Variants in U2AF2 observed in about 807,000 individuals in gnomAD.
U2AF2 encodes splicing factor U2AF 65 kDa subunit.
In U2AF2, 6 loss-of-function variants were observed where a neutral mutation model predicts 52.6. That is an observed-to-expected ratio of 0.11 (90% CI 0.06 to 0.23). U2AF2 has a LOEUF of 0.23. U2AF2 is among the 10% of genes least tolerant of loss of function. U2AF2 has a pLI of 1.00. For missense variants in U2AF2, 222 were observed against 677.1 expected, an observed-to-expected ratio of 0.33 and a Z score of 7.46; for synonymous variants, 284 against 258.2, an observed-to-expected ratio of 1.10 and a Z score of -0.96.
At chr19:55,664,832 T>C (rs1480825161) in intron 7 of U2AF2, among the ~76,000 whole-genome samples, 1 of 152,082 alleles carries the variant, frequency 6.6e-6, no homozygotes, top group Non-Finnish European at 1.5e-5. Context: ...ATTCTCCTGC[T>C]TCAGCCTCCC....
chr19:55,660,726 A>G, intron 4 of U2AF2, 107 bp downstream of exon 4: 1 of 1,132,982 alleles, frequency 8.8e-7, no homozygotes, highest in Non-Finnish European at 1.3e-6. Context: ...AGACACAGGT[A>G]GAGGGTTGCA....
rs1034330927 is a variant in U2AF2 at position 55,661,024 on chromosome 19, T to A, written c.335-14T>A. 3.4e-5 allele frequency: 53 copies of A among 1,569,374 alleles called. No homozygotes were observed. The highest frequency in any genetic ancestry group is 4.4e-5 in the Non-Finnish European group (51 of 1,148,630). On this transcript the variant is annotated splice_polypyrimidine_tract_variant and intron_variant, in intron 4 of 11. Transcript: ENST00000308924. ...CCCTGATGGGGTTTTATCCGGCTTT[T>A]ATTCCCTTTGAAGCTGCGGGTCAGA...
chr19:55,670,251 C>T (rs372529374), intron 11 of U2AF2, among the ~76,000 whole-genome samples: 12 of 152,178 alleles, frequency 7.9e-5, no homozygotes, highest in African/African-American at 2.9e-4. Context: ...TCTGCTAAGT[C>T]CTGTCACCTC....
At chr19:55,662,663 G>A (rs764450100) in intron 6 of U2AF2, 45 bp downstream of exon 6, 2 of 1,546,556 alleles carry the variant, frequency 1.3e-6, no homozygotes, top group Non-Finnish European at 1.8e-6. Context: ...TGTGTGATGT[G>A]AGGGCCCAGC....
chr19:55,658,080 G>A lies in U2AF2; in HGVS notation c.50-1130G>A, dbSNP rs541660909. On this transcript the variant is annotated intron_variant, in intron 1 of 11. Transcript: ENST00000308924. ...GACATTCACATTGCATCGCAAAAAC[G>A]TGAGACAAAACACTGTGGGTGAGGC... 1.5e-3 allele frequency among the ~76,000 whole-genome samples: 225 copies of A among 152,230 alleles called. 1 individual carries two copies. Among genetic ancestry groups the A allele is most frequent in the African/African-American group, 4.9e-3 (204 of 41,522 alleles).
chr19:55,667,974 G>A (rs145872707), intron 7 of U2AF2, among the ~76,000 whole-genome samples: 14 of 152,176 alleles, frequency 9.2e-5, no homozygotes, highest in African/African-American at 2.9e-4. Context: ...TTAGAGAGAC[G>A]GGGTTTCACC....
At chr19:55,670,359 T>C (rs1984817926) in intron 11 of U2AF2, among the ~76,000 whole-genome samples, 1 of 149,902 alleles carries the variant, frequency 6.7e-6, no homozygotes, top group South Asian at 2.1e-4. Flanking sequence ...GCTGGGTGTA[T>C]GTATGGAATT....
intron 1 of U2AF2, among the ~76,000 whole-genome samples, chr19:55,657,200 T>G (rs969618076): frequency 2.6e-5 from 4 of 152,228 alleles, no homozygotes; most frequent in East Asian, 1.9e-4. Flanking sequence ...CCCTGAGACC[T>G]GGCACGGCTC....
rs543477060 is a variant in U2AF2, at chr19:55,674,289, C to T, written c.*221C>T. Reference sequence around the variant, plus strand: ...ACTGGGGAAGTGCGCACACAGCCCACACAGACAACACGCACCCACACAGAC... The same window carrying T: ...ACTGGGGAAGTGCGCACACAGCCCATACAGACAACACGCACCCACACAGAC... On this transcript the variant is annotated 3_prime_UTR_variant, in exon 12 of 12. Transcript: ENST00000308924. The T allele has an allele frequency of 4.3e-4, 231 of 531,558 alleles. No individual in the cohort carries two copies. Among genetic ancestry groups the T allele is most frequent in the African/African-American group, 4.1e-3 (213 of 52,082 alleles). The allele number at this position is 531,558 out of a possible 1,614,324, so 32.9% of individuals were successfully genotyped here. A position where few individuals can be genotyped will look rare whatever the true frequency, so the allele number is the denominator to read the frequency against.
chr19:55,665,062 T>C (rs1018646304), intron 7 of U2AF2, among the ~76,000 whole-genome samples: 1 of 152,224 alleles, frequency 6.6e-6, no homozygotes, highest in African/African-American at 2.4e-5. Flanking sequence ...GCTAACCTTT[T>C]GGAGCCTGTA....
chr19:55,660,358 C>G (rs764046573), intron 3 of U2AF2, 137 bp downstream of exon 3: 38 of 1,142,100 alleles, frequency 3.3e-5, no homozygotes, highest in Middle Eastern at 2.1e-4. Context: ...ACCAGCACCC[C>G]TTTCCCAGGC....
At position 55,668,616 on chromosome 19, in the gene U2AF2, C is replaced by A. The variant is rs778410885; in HGVS notation, c.822+30C>A. ...CTTCCCTGCCTCCCTCCAGACCCGT[C>A]CCCCCACCCCGCCCCACCTCATCCC... is the stretch of plus-strand genomic sequence containing the variant. On this transcript the variant is annotated intron_variant, in intron 8 of 11. Coordinates refer to ENST00000308924, the MANE Select transcript of U2AF2 (RefSeq NM_007279.3). This position sits in a 1 kb window ranked among gnomAD's most constrained non-coding sequence, Gnocchi z 5.5. The A allele has an allele frequency of 1.6e-6, 2 of 1,265,496 alleles. No individual in the cohort carries two copies. Among genetic ancestry groups the A allele is most frequent in the Admixed American group, 1.7e-5 (1 of 57,454 alleles). 78.4% of individuals were successfully genotyped at this position (1,265,496 alleles called of 1,614,324 possible).
chr19:55,656,227 C>G (rs1329468449), intron 1 of U2AF2, among the ~76,000 whole-genome samples: 3 of 152,206 alleles, frequency 2.0e-5, no homozygotes, highest in Non-Finnish European at 4.4e-5. Flanking sequence ...AGATTGGAGA[C>G]TTGTTTCTTT....
chr19:55,667,489 C>T (rs779583919), intron 7 of U2AF2, among the ~76,000 whole-genome samples: 7 of 152,152 alleles, frequency 4.6e-5, no homozygotes, highest in Non-Finnish European at 7.4e-5. Context: ...ATCATCCCAC[C>T]AGCAGGCACT....
intron 7 of U2AF2, chr19:55,664,090 G>A (rs1464669946): frequency 3.3e-5 from 8 of 240,936 alleles, no homozygotes; most frequent in East Asian, 2.0e-4. Context: ...TGTGCCCGTC[G>A]GGGCTGCTGT....
At chr19:55,660,335 C>A in intron 3 of U2AF2, 114 bp downstream of exon 3, 1 of 1,295,940 alleles carries the variant, frequency 7.7e-7, no homozygotes, top group Non-Finnish European at 1.1e-6. Flanking sequence ...GGGAAGAGTC[C>A]ACTTACCTTG....
rs775808870 is a variant in U2AF2 at position 55,669,575 on chromosome 19, C to T, written c.1176C>T (p.Asp392=). 66 of 1,613,770 alleles carry T rather than the reference C, an allele frequency of 4.1e-5. No homozygotes were observed. The East Asian group carries it at 9.1e-4, about 22-fold the overall frequency. ...NMVLPEELLD[D]EEYEEIVEDV... ...TGCTGCCTGAGGAGCTGCTGGACGACGAGGAGTATGAGGAGATCGTGGAGG... is the reference window on the plus strand; with the variant it reads ...TGCTGCCTGAGGAGCTGCTGGACGATGAGGAGTATGAGGAGATCGTGGAGG... Residue 392 remains aspartate (D), a synonymous_variant, in exon 11 of 12, where the codon GAC becomes GAT. Coordinates refer to ENST00000308924, the MANE Select transcript of U2AF2 (RefSeq NM_007279.3).
intron 7 of U2AF2, among the ~76,000 whole-genome samples, chr19:55,667,761 G>A (rs1344047829): frequency 6.6e-6 from 1 of 152,084 alleles, no homozygotes; most frequent in East Asian, 1.9e-4. Context: ...AGTTCTGACA[G>A]GGCGTGAAGG....
chr19:55,667,063 C>T (rs759479705), intron 7 of U2AF2, among the ~76,000 whole-genome samples: 12 of 152,136 alleles, frequency 7.9e-5, no homozygotes, highest in African/African-American at 2.9e-4. Flanking sequence ...GCTACTTGTC[C>T]CTGTAGCATA....
Sources: gnomAD v4.1 joint callset for allele counts (sites outside exome capture counted in the v4.1 genomes callset) on GRCh38, gnomAD v4.1.1 for gene constraint, Gnocchi (gnomAD v3.1) non-coding constraint, MANE v1.5 for transcripts, NCBI Gene and HGNC (gene_info 2026-07-23, HGNC 2026-07-21) for gene names.